MCU: variants seen among roughly 807,000 people sequenced by gnomAD.
MCU encodes the protein mitochondrial calcium uniporter, also known as calcium uniporter protein, mitochondrial.
Under a neutral mutation model 45.2 loss-of-function variants are expected in MCU, and 12 were observed. The ratio of observed to expected loss-of-function variants is 0.27; its 90% CI spans 0.17 to 0.43. The LOEUF is 0.43. Ranked by LOEUF, MCU falls within the 20% of genes least tolerant of loss-of-function variation. The pLI is 1.00. For synonymous variants in MCU, 160 were observed against 165.1 expected (o/e 0.97, Z 0.24); for missense variants, 324 against 436.7 (o/e 0.74, Z 2.30).
intron 1 of MCU, among the ~76,000 whole-genome samples, chr10:72,816,505 G>T (rs1337411580): frequency 2.0e-5 from 3 of 152,146 alleles, no homozygotes; most frequent in African/African-American, 7.2e-5. Flanking sequence ...CATCAGCAGG[G>T]CACAGTGGCT....
intron 1 of MCU, among the ~76,000 whole-genome samples, chr10:72,771,055 AATT>A (rs1564551830): frequency 1.3e-5 from 2 of 152,108 alleles, no homozygotes; most frequent in Non-Finnish European, 2.9e-5. Context: ...GTTTTTAAAA[AATT>A]ATTATTATAC....
At chr10:72,724,429 T>C (rs1191066032) in intron 1 of MCU, among the ~76,000 whole-genome samples, 1 of 152,212 alleles carries the variant, frequency 6.6e-6, no homozygotes, top group Non-Finnish European at 1.5e-5. Flanking sequence ...TGTTGGTCTT[T>C]TTCTTTGTAA....
At chr10:72,748,031 C>A (rs1739902220) in intron 1 of MCU, among the ~76,000 whole-genome samples, 1 of 151,314 alleles carries the variant, frequency 6.6e-6, no homozygotes, top group Non-Finnish European at 1.5e-5. Flanking sequence ...ACTTAATCTT[C>A]AAGAGTCTTA....
chr10:72,704,704 A>ACTTTTTTTT (rs1435890480), intron 1 of MCU, among the ~76,000 whole-genome samples: 1 of 106,746 alleles, frequency 9.4e-6, no homozygotes, highest in Non-Finnish European at 1.8e-5. Flanking sequence ...TGCCTGGATA[A>ACTTTTTTTT]TTTTTTTTTT....
chr10:72,745,373 C>T (rs1042165210), intron 1 of MCU, among the ~76,000 whole-genome samples: 1 of 152,064 alleles, frequency 6.6e-6, no homozygotes, highest in Non-Finnish European at 1.5e-5. Flanking sequence ...GCATCACAGG[C>T]GCACACTACC....
At chr10:72,713,629 A>C (rs1209078673) in intron 1 of MCU, among the ~76,000 whole-genome samples, 2 of 152,084 alleles carry the variant, frequency 1.3e-5, no homozygotes, top group African/African-American at 4.8e-5. Flanking sequence ...GGGAGAGGAG[A>C]TAGTGGTATG....
At chr10:72,792,330 G>A (rs957998458) in intron 1 of MCU, among the ~76,000 whole-genome samples, 7 of 152,192 alleles carry the variant, frequency 4.6e-5, no homozygotes, top group Admixed American at 2.0e-4. Flanking sequence ...TGAAGCAGGG[G>A]CTTACAGATC....
At chr10:72,834,281 A>G (rs1379701153) in intron 1 of MCU, 78 bp from the exon 2 acceptor site, 6 of 965,280 alleles carry the variant, frequency 6.2e-6, no homozygotes, top group East Asian at 2.6e-5. Flanking sequence ...TCATATGTAT[A>G]TATTTATTAT....
chr10:72,838,220 T>C (rs1844985033), intron 2 of MCU, among the ~76,000 whole-genome samples: 1 of 152,038 alleles, frequency 6.6e-6, no homozygotes, highest in Non-Finnish European at 1.5e-5. Context: ...ATTGGGAAAG[T>C]GTGAAAGGTG....
At chr10:72,728,617 A>G (rs1843130598) in intron 1 of MCU, among the ~76,000 whole-genome samples, 2 of 152,182 alleles carry the variant, frequency 1.3e-5, no homozygotes, top group Admixed American at 1.3e-4. Flanking sequence ...ATATGGTCTT[A>G]TACTTACAAC....
chr10:72,870,950 G>T (rs987842083), intron 5 of MCU, among the ~76,000 whole-genome samples: 1 of 152,038 alleles, frequency 6.6e-6, no homozygotes, highest in African/African-American at 2.4e-5. Flanking sequence ...ACCCAGGCTG[G>T]AGTGCAGTGG....
chr10:72,793,973 T>C (rs1197365961), intron 1 of MCU, among the ~76,000 whole-genome samples: 1 of 152,176 alleles, frequency 6.6e-6, no homozygotes, highest in Non-Finnish European at 1.5e-5. Flanking sequence ...AACATTCACA[T>C]CCCTCACATA....
intron 1 of MCU, among the ~76,000 whole-genome samples, chr10:72,748,420 T>A (rs765011638): frequency 1.3e-5 from 2 of 152,186 alleles, no homozygotes; most frequent in Non-Finnish European, 2.9e-5. Flanking sequence ...TATTGAACAG[T>A]GTAGTTCTGC....
intron 6 of MCU, among the ~76,000 whole-genome samples, chr10:72,873,240 G>C (rs997814704): frequency 1.3e-5 from 2 of 151,894 alleles, no homozygotes; most frequent in African/African-American, 4.8e-5. Flanking sequence ...GGATGGTCTC[G>C]ATCTCCTGAC....
At chr10:72,826,771 A>G (rs1298222658) in intron 1 of MCU, among the ~76,000 whole-genome samples, 1 of 152,208 alleles carries the variant, frequency 6.6e-6, no homozygotes, top group East Asian at 1.9e-4. Flanking sequence ...AAAATATTAA[A>G]TGAAAAATTC....
chr10:72,819,441 T>C (rs555078911), intron 1 of MCU, among the ~76,000 whole-genome samples: 16 of 152,292 alleles, frequency 1.1e-4, no homozygotes, highest in African/African-American at 3.6e-4. Context: ...AGTTTGTTTG[T>C]TTATTTGTTT....
intron 4 of MCU, among the ~76,000 whole-genome samples, chr10:72,863,679 C>T (rs558902462): frequency 5.8e-4 from 89 of 152,246 alleles, no homozygotes; most frequent in African/African-American, 2.1e-3. Flanking sequence ...TGCAGCAGTG[C>T]AATCTCAGCT....
chr10:72,877,195 C>T (rs1031388051), intron 6 of MCU, among the ~76,000 whole-genome samples: 1 of 152,118 alleles, frequency 6.6e-6, no homozygotes, highest in African/African-American at 2.4e-5. Flanking sequence ...ACTAGGATTA[C>T]AGGCATGAGC....
intron 1 of MCU, among the ~76,000 whole-genome samples, chr10:72,737,733 T>A (rs1843270594): frequency 6.6e-6 from 1 of 152,116 alleles, no homozygotes; most frequent in Non-Finnish European, 1.5e-5. Context: ...TCGGTCAGGC[T>A]GGTCTTGAAC....
Sources: gnomAD v4.1 joint callset for allele counts (sites outside exome capture counted in the v4.1 genomes callset) on GRCh38, gnomAD v4.1.1 for gene constraint, MANE v1.5 for transcripts, NCBI Gene and HGNC (gene_info 2026-07-23, HGNC 2026-07-21) for gene names.